Variants in SHBG observed in about 807,000 individuals in gnomAD.
The protein encoded by SHBG is sex hormone binding globulin, also known as sex hormone-binding globulin.
A neutral mutation model predicts 41.9 loss-of-function variants in SHBG; 37 were observed. That is an observed-to-expected ratio of 0.88 (90% CI 0.68 to 1.16). The LOEUF is 1.16. Ranked by LOEUF, SHBG falls within the 50% of genes most tolerant of loss-of-function variation. SHBG has a pLI of 0.00. For synonymous variants in SHBG, 217 were observed against 205.8 expected (o/e 1.05, Z -0.47); for missense variants, 466 against 499.9 (o/e 0.93, Z 0.65).
Position 7,631,745 on chromosome 17 carries a change from C to A in SHBG, c.712C>A (p.Arg238=). Residue 238 remains arginine (R), a synonymous_variant, in exon 5 of 8, where the codon CGA becomes AGA. Transcript: ENST00000380450. Reference sequence around the variant, plus strand: ...AGGGACTCAGGCAGAATTCAATCTCCGAGGTAGATTTCCTCGGAGTCTATT... The same window carrying A: ...AGGGACTCAGGCAGAATTCAATCTCAGAGGTAGATTTCCTCGGAGTCTATT... The part of the protein sequence containing the change: ...PPGTQAEFNL[R]DIPQPHAEPW... 6.2e-7 allele frequency: 1 copy of A among 1,614,008 alleles called. No homozygotes were observed. Among genetic ancestry groups the A allele is most frequent in the Non-Finnish European group, 8.5e-7 (1 of 1,180,002 alleles).
In SHBG at chr17:7,630,684, T is replaced by A; in HGVS notation, c.208T>A (p.Ser70Thr). Residue 70 changes from serine to threonine, a missense_variant, in exon 3 of 8, where the codon TCC becomes ACC. Ser to Thr is a moderately conservative substitution (Grantham distance 58, BLOSUM62 1). Transcript: ENST00000380450. The surrounding 1 kb of genome is among the most constrained non-coding windows in gnomAD (Gnocchi z 4.6). Reference sequence around the variant, plus strand: ...TTTCCTTCTGTGTCCTTCCAGAACCTCCTCCTCCTTTGAGGTTCGAACCTG... The same window carrying A: ...TTTCCTTCTGTGTCCTTCCAGAACCACCTCCTCCTTTGAGGTTCGAACCTG... ...TFDLTKITKT[S>T]SSFEVRTWDP... 1 of 1,613,278 alleles carries A rather than the reference T, an allele frequency of 6.2e-7. No individual in the cohort carries two copies. The highest frequency in any genetic ancestry group is 8.5e-7 in the Non-Finnish European group (1 of 1,179,354).
upstream of SHBG, chr17:7,626,326 C>T: frequency 9.1e-7 from 1 of 1,103,918 alleles, no homozygotes; most frequent in Non-Finnish European, 1.3e-6. Flanking sequence ...AGGATAGGCA[C>T]CCCTAACCCT....
intron 1 of SHBG, among the ~76,000 whole-genome samples, chr17:7,620,461 C>T (rs925839023): frequency 1.3e-5 from 2 of 152,064 alleles, no homozygotes; most frequent in East Asian, 3.9e-4. Flanking sequence ...GGATTACAGC[C>T]GTTTGCCCCC....
intron 4 of SHBG, 56 bp downstream of exon 4, chr17:7,631,417 T>A: frequency 6.3e-7 from 1 of 1,594,582 alleles, no homozygotes; most frequent in East Asian, 2.2e-5. Context: ...CACTGCTGGG[T>A]GGCTGGCCGT....
chr17:7,627,334 C>G (rs1341858969), upstream of SHBG: 4 of 1,614,132 alleles, frequency 2.5e-6, no homozygotes. The surrounding 1 kb of genome is among the most constrained non-coding windows in gnomAD (Gnocchi z 4.8). Context: ...TCCCCAGCCT[C>G]CGCCAGAACC....
At chr17:7,616,877 A>C (rs997121699) in intron 1 of SHBG, among the ~76,000 whole-genome samples, 2 of 152,198 alleles carry the variant, frequency 1.3e-5, no homozygotes, top group African/African-American at 4.8e-5. Flanking sequence ...CAGAGGTTGC[A>C]GTGAGCCCAG....
At chr17:7,626,212 AAAAG>A (rs1359278055), upstream of SHBG, 2 of 445,804 alleles carry the variant, frequency 4.5e-6, no homozygotes, top group East Asian at 3.8e-5. Context: ...AAAAAGAAAT[AAAAG>A]AAAGACCCAA....
chr17:7,626,882 G>A (rs1321251049), upstream of SHBG: 3 of 1,601,366 alleles, frequency 1.9e-6, no homozygotes, highest in African/African-American at 2.7e-5. Context: ...GGGGACAGGG[G>A]ATAACAGTGG....
chr17:7,630,747 C>A lies in SHBG; in HGVS notation c.271C>A (p.Pro91Thr). Reference protein sequence around the residue: ...EGVIFYGDTNPKDDWFMLGLR... With the variant: ...EGVIFYGDTNTKDDWFMLGLR... ...AGTGATTTTTTATGGGGATACCAAC[C>A]CTAAGGATGACTGGTTTATGCTGGG... The change falls in exon 3 of 8, where the codon CCT becomes ACT. Residue 91 changes from proline to threonine, a missense_variant. Physicochemically the swap from Pro to Thr is conservative, Grantham distance 38 (BLOSUM62 -1). Coordinates refer to ENST00000380450, the MANE Select transcript of SHBG (RefSeq NM_001040.5). The surrounding 1 kb of genome is among the most constrained non-coding windows in gnomAD (Gnocchi z 4.6). 6.2e-7 allele frequency: 1 copy of A among 1,614,056 alleles called. No individual in the cohort carries two copies. The highest frequency in any genetic ancestry group is 8.5e-7 in the Non-Finnish European group (1 of 1,179,992).
intron 1 of SHBG, among the ~76,000 whole-genome samples, chr17:7,616,949 T>C (rs1220932494): frequency 6.6e-6 from 1 of 151,940 alleles, no homozygotes; most frequent in Non-Finnish European, 1.5e-5. Context: ...AAAATAGTAA[T>C]AATAATAATA....
At chr17:7,615,352 A>C (rs2071953698) in intron 1 of SHBG, among the ~76,000 whole-genome samples, 1 of 152,044 alleles carries the variant, frequency 6.6e-6, no homozygotes, top group African/African-American at 2.4e-5. Flanking sequence ...AGAAAAAAAA[A>C]AGAAGAGGAG....
At chr17:7,631,528 G>T in intron 4 of SHBG, 61 bp from the exon 5 acceptor site, 1 of 1,598,870 alleles carries the variant, frequency 6.3e-7, no homozygotes, top group Non-Finnish European at 8.6e-7. Context: ...AGGGAGGTCG[G>T]GACTGCGGCT....
intron 1 of SHBG, among the ~76,000 whole-genome samples, chr17:7,618,513 G>A (rs1162728747): frequency 6.6e-6 from 1 of 151,832 alleles, no homozygotes; most frequent in Non-Finnish European, 1.5e-5. Flanking sequence ...CACCACGTTG[G>A]CCAGGCTGGT....
At chr17:7,618,597 G>T (rs12150660) in intron 1 of SHBG, among the ~76,000 whole-genome samples, 26,031 of 152,054 alleles carry the variant, frequency 0.17, 2,808 homozygotes, top group Non-Finnish European at 0.25. Context: ...ATGAGCCACT[G>T]CGCCCGGCCC....
At chr17:7,618,721 A>T (rs1180571470) in intron 1 of SHBG, among the ~76,000 whole-genome samples, 4 of 152,204 alleles carry the variant, frequency 2.6e-5, no homozygotes, top group Non-Finnish European at 1.5e-5. Context: ...AGAAGAGTAA[A>T]CATAGAAAGA....
At chr17:7,623,374 G>T (rs998361675), upstream of SHBG, among the ~76,000 whole-genome samples, 2 of 152,216 alleles carry the variant, frequency 1.3e-5, no homozygotes, top group Non-Finnish European at 2.9e-5. Context: ...TGGGCAACAA[G>T]AGTGAAACTC....
upstream of SHBG, among the ~76,000 whole-genome samples, chr17:7,624,531 C>T (rs1170054768): frequency 6.6e-6 from 1 of 152,086 alleles, no homozygotes; most frequent in Non-Finnish European, 1.5e-5. Context: ...TGAACCACTG[C>T]ACCCGGCCTA....
upstream of SHBG, among the ~76,000 whole-genome samples, chr17:7,624,937 C>T (rs930033009): frequency 1.5e-4 from 20 of 134,010 alleles, no homozygotes; most frequent in African/African-American, 4.4e-4. Context: ...GGATTACAGG[C>T]GTGAGCTTTT....
chr17:7,629,363 G>C (rs537759075), upstream of SHBG, among the ~76,000 whole-genome samples: 1 of 148,516 alleles, frequency 6.7e-6, no homozygotes, highest in African/African-American at 2.5e-5. Flanking sequence ...GGGTGATAGA[G>C]CAAGACTCTG....
Sources: gnomAD v4.1 joint callset for allele counts (sites outside exome capture counted in the v4.1 genomes callset) on GRCh38, gnomAD v4.1.1 for gene constraint, Gnocchi (gnomAD v3.1) non-coding constraint, MANE v1.5 for transcripts, NCBI Gene and HGNC (gene_info 2026-07-23, HGNC 2026-07-21) for gene names.